Variants in FILIP1L observed in about 807,000 individuals in gnomAD.
FILIP1L encodes filamin A interacting protein 1 like, also known as filamin A-interacting protein 1-like.
FILIP1L carries 55 observed loss-of-function variants against 96.6 expected under a neutral mutation model. That is an observed-to-expected ratio of 0.57 (90% CI 0.46 to 0.71). FILIP1L has a LOEUF of 0.71. Among genes scored for constraint, FILIP1L ranks in the 30% least tolerant of loss-of-function variants. FILIP1L has a pLI of 0.00. For missense variants in FILIP1L, 1,304 were observed against 1,321.2 expected, an observed-to-expected ratio of 0.99 and a Z score of 0.20; for synonymous variants, 467 against 473.9, an observed-to-expected ratio of 0.99 and a Z score of 0.19.
chr3:100,064,409 T>G (rs2065626950), intron 1 of FILIP1L, among the ~76,000 whole-genome samples: 3 of 152,150 alleles, frequency 2.0e-5, no homozygotes. Flanking sequence ...TTTTTTTTTT[T>G]TCAACATTAA....
chr3:100,013,154 G>C (rs890732982), intron 1 of FILIP1L, among the ~76,000 whole-genome samples: 1 of 152,014 alleles, frequency 6.6e-6, no homozygotes, highest in African/African-American at 2.4e-5. Context: ...TGGGATTGTT[G>C]GCATGAGCTA....
intron 1 of FILIP1L, among the ~76,000 whole-genome samples, chr3:100,034,114 A>G (rs139460707): frequency 1.3e-5 from 2 of 152,312 alleles, no homozygotes; most frequent in African/African-American, 4.8e-5. Context: ...ATCATCATCC[A>G]TTGAAATTGA....
intron 1 of FILIP1L, among the ~76,000 whole-genome samples, chr3:100,068,162 C>A (rs1245646261): frequency 6.6e-6 from 1 of 152,174 alleles, no homozygotes; most frequent in Non-Finnish European, 1.5e-5. Flanking sequence ...AAAGAAATAC[C>A]ATTGTTTGCA....
chr3:99,883,931 G>T (rs999153260), intron 4 of FILIP1L, among the ~76,000 whole-genome samples: 1 of 152,176 alleles, frequency 6.6e-6, no homozygotes, highest in Non-Finnish European at 1.5e-5. Context: ...AGCAACTTCT[G>T]GGGAAAATCA....
intron 4 of FILIP1L, among the ~76,000 whole-genome samples, chr3:99,901,827 T>TAC (rs774191509): frequency 3.9e-5 from 6 of 152,072 alleles, no homozygotes; most frequent in Non-Finnish European, 5.9e-5. Context: ...CACACACACA[T>TAC]ACACACACAT....
chr3:99,946,047 A>T (rs1269356226), intron 1 of FILIP1L, among the ~76,000 whole-genome samples: 1 of 152,252 alleles, frequency 6.6e-6, no homozygotes, highest in African/African-American at 2.4e-5. Context: ...AAAAAGATAA[A>T]GTTCTTGAAA....
intron 1 of FILIP1L, among the ~76,000 whole-genome samples, chr3:99,983,389 A>AATATATATATATAT (rs397990626): frequency 9.8e-5 from 4 of 40,800 alleles, no homozygotes; most frequent in African/African-American, 2.0e-4. Context: ...TAAATAAATA[A>AATATATATATATAT]ATATATATAT....
intron 1 of FILIP1L, among the ~76,000 whole-genome samples, chr3:100,024,676 G>T (rs1002052555): frequency 6.6e-6 from 1 of 152,194 alleles, no homozygotes; most frequent in African/African-American, 2.4e-5. Context: ...ATATACTAGT[G>T]AGTGACCTTC....
chr3:99,869,477 C>A (rs948869541), intron 4 of FILIP1L, among the ~76,000 whole-genome samples: 1 of 152,192 alleles, frequency 6.6e-6, no homozygotes, highest in South Asian at 2.1e-4. Flanking sequence ...CTTTTAGCAG[C>A]AGTGGATTCA....
At chr3:99,936,850 A>AG (rs1346561140) in intron 1 of FILIP1L, among the ~76,000 whole-genome samples, 2 of 152,282 alleles carry the variant, frequency 1.3e-5, no homozygotes, top group East Asian at 3.9e-4. Flanking sequence ...TTTAACATTA[A>AG]TTTATTCAAC....
rs765932581 is a variant in FILIP1L, at chr3:99,929,920, C to T, written c.362G>A (p.Arg121Lys). The T allele has an allele frequency of 2.5e-6, 4 of 1,613,726 alleles. No homozygotes were observed. In the African/African-American group the frequency reaches 5.3e-5, roughly 22 times the overall value. Residue 121 changes from arginine to lysine, a missense_variant, in exon 3 of 6, where the codon AGA becomes AAA. Coordinates refer to ENST00000477258, the MANE Select transcript of FILIP1L (RefSeq NM_001387850.1). ...GGTAGATTTCGCTTGAAAAGCATCT[C>T]TCTGGAGAGCCTCTAACACCTTTTT... The part of the protein sequence containing the change: ...TPKKVLEALQ[R>K]DAFQAKSTPW...
chr3:99,850,635 T>C lies in FILIP1L; in HGVS notation c.1041A>G (p.Ala347=). ...CTTTTATATCTTGCAGCTCCTCTTC[T>C]GCTTTTCGTAAAGACCTGTTTGTCT... ...LEETNRSLRK[A]EEELQDIKEK... is the part of the protein sequence containing the mutation. Residue 347 remains alanine, a synonymous_variant, in exon 5 of 6, where the codon GCA becomes GCG. Coordinates refer to ENST00000477258, the MANE Select transcript of FILIP1L (RefSeq NM_001387850.1). 6.2e-7 allele frequency: 1 copy of C among 1,614,114 alleles called. No individual in the cohort carries two copies. Among genetic ancestry groups the C allele is most frequent in the South Asian group, 1.1e-5 (1 of 91,076 alleles).
chr3:100,075,939 T>A (rs2065843552), intron 1 of FILIP1L, among the ~76,000 whole-genome samples: 1 of 152,202 alleles, frequency 6.6e-6, no homozygotes, highest in Non-Finnish European at 1.5e-5. Context: ...AAATCTTCAT[T>A]TCTGATAAGC....
intron 1 of FILIP1L, among the ~76,000 whole-genome samples, chr3:99,990,963 G>A (rs574410079): frequency 6.6e-6 from 1 of 152,078 alleles, no homozygotes; most frequent in African/African-American, 2.4e-5. Flanking sequence ...GGAAATAAAA[G>A]TCTCTGCCTT....
At chr3:99,987,456 G>T (rs1709376099) in intron 1 of FILIP1L, among the ~76,000 whole-genome samples, 2 of 150,652 alleles carry the variant, frequency 1.3e-5, no homozygotes, top group South Asian at 2.1e-4. Flanking sequence ...TTGAACCCGG[G>T]AGGCAGAGGT....
At position 99,850,511 on chromosome 3, in the gene FILIP1L, G is replaced by A. The variant is rs1466008088; in HGVS notation, c.1165C>T (p.Leu389Phe). The A allele has an allele frequency of 6.2e-7, 1 of 1,612,938 alleles. No individual in the cohort carries two copies. The highest frequency in any genetic ancestry group is 1.7e-5 in the Admixed American group (1 of 59,764). Residue 389 changes from leucine (L) to phenylalanine (F), a missense_variant, in exon 5 of 6, where the codon CTC becomes TTC. By Grantham distance (22) the Leu-to-Phe change is conservative. Transcript: ENST00000477258. ...CTGCACTGCTCCTCCATTTTTATGA[G>A]CTCTTCATCTTTCCCTTCCATATCT... ...VLDMEGKDEE[L>F]IKMEEQCRDL...
chr3:99,868,169 T>C (rs1392070469), intron 4 of FILIP1L, among the ~76,000 whole-genome samples: 1 of 152,206 alleles, frequency 6.6e-6, no homozygotes, highest in Non-Finnish European at 1.5e-5. Context: ...GCTCAGGAAG[T>C]TGTTTCTTAC....
At chr3:99,913,541 G>A (rs1428488971) in intron 4 of FILIP1L, among the ~76,000 whole-genome samples, 1 of 152,142 alleles carries the variant, frequency 6.6e-6, no homozygotes, top group African/African-American at 2.4e-5. Context: ...AGCTCATAAG[G>A]TGGCCTGGCT....
intron 1 of FILIP1L, among the ~76,000 whole-genome samples, chr3:100,035,119 TTGTA>T (rs2065085119): frequency 6.6e-6 from 1 of 152,208 alleles, no homozygotes; most frequent in Non-Finnish European, 1.5e-5. Context: ...GTTATCCAAA[TTGTA>T]TGTGTTTCAA....
Sources: gnomAD v4.1 joint callset for allele counts (sites outside exome capture counted in the v4.1 genomes callset) on GRCh38, gnomAD v4.1.1 for gene constraint, MANE v1.5 for transcripts, NCBI Gene and HGNC (gene_info 2026-07-23, HGNC 2026-07-21) for gene names.